The following HNF4A variants were observed in gnomAD, a reference collection of about 807,000 sequenced individuals.
HNF4A encodes the protein hepatocyte nuclear factor 4 alpha, also known as hepatocyte nuclear factor 4-alpha.
A neutral mutation model predicts 52.4 loss-of-function variants in HNF4A; 15 were observed. The observed-to-expected ratio is 0.29, with a 90% confidence interval of 0.19 to 0.44. HNF4A has a LOEUF of 0.44. Ranked by LOEUF, HNF4A falls within the 20% of genes least tolerant of loss-of-function variation. The probability of loss-of-function intolerance (pLI) is 1.00; values close to 1 mark genes in which losing one functional copy is unlikely to be tolerated. For missense variants in HNF4A, 479 were observed against 647.2 expected (o/e 0.74, Z 2.82); for synonymous variants, 280 against 264.4 (o/e 1.06, Z -0.57).
upstream of HNF4A, among the ~76,000 whole-genome samples, chr20:44,399,164 G>C (rs1279936617): frequency 7.2e-5 from 11 of 152,216 alleles, no homozygotes; most frequent in Non-Finnish European, 1.6e-4. Context: ...GTAGGCATGG[G>C]AGGAACCCGC....
chr20:44,389,446 A>T (rs987664316), intron 1 of HNF4A, among the ~76,000 whole-genome samples: 11 of 152,216 alleles, frequency 7.2e-5, no homozygotes, highest in Non-Finnish European at 1.6e-4. Flanking sequence ...ACACGCTCAT[A>T]CTAACGAAGT....
chr20:44,368,614 AT>A, intron 1 of HNF4A, among the ~76,000 whole-genome samples: 1 of 152,206 alleles, frequency 6.6e-6, no homozygotes, highest in East Asian at 1.9e-4. Context: ...GCTCAAGGGG[AT>A]AGAGGCAAGA....
At chr20:44,375,126 TG>T (rs2063071184) in intron 1 of HNF4A, among the ~76,000 whole-genome samples, 1 of 152,226 alleles carries the variant, frequency 6.6e-6, no homozygotes, top group African/African-American at 2.4e-5. Context: ...TGCATTTCTC[TG>T]ATGATTAGTG....
intron 1 of HNF4A, among the ~76,000 whole-genome samples, chr20:44,367,978 C>T (rs949129381): frequency 1.8e-4 from 27 of 149,696 alleles, no homozygotes; most frequent in East Asian, 9.8e-4. Context: ...ACCCAAAACA[C>T]GAGAGGAGAG....
At chr20:44,365,733 G>A (rs111717426) in intron 1 of HNF4A, among the ~76,000 whole-genome samples, 1,581 of 152,178 alleles carry the variant, frequency 0.01, 26 homozygotes, top group African/African-American at 0.036. Context: ...TTGGCCGGAC[G>A]CCGTGGCTCA....
chr20:44,382,177 C>G (rs112016782), intron 1 of HNF4A, among the ~76,000 whole-genome samples: 2,219 of 152,260 alleles, frequency 0.015, 54 homozygotes, highest in African/African-American at 0.049. Flanking sequence ...TCTCCAATAC[C>G]CAGCCCAAAA....
chr20:44,401,206 C>G (rs2063402911), upstream of HNF4A: 1 of 1,499,512 alleles, frequency 6.7e-7, no homozygotes, highest in Admixed American at 2.0e-5. Flanking sequence ...AGAGCCTCCA[C>G]CCCTTCACAG....
chr20:44,397,522 G>C (rs1156811273), upstream of HNF4A, among the ~76,000 whole-genome samples: 1 of 152,120 alleles, frequency 6.6e-6, no homozygotes, highest in African/African-American at 2.4e-5. Flanking sequence ...GTAAATGATT[G>C]TTAACTATAA....
chr20:44,386,835 G>A (rs2063230500), intron 1 of HNF4A, among the ~76,000 whole-genome samples: 1 of 152,138 alleles, frequency 6.6e-6, no homozygotes, highest in Admixed American at 6.5e-5. Flanking sequence ...GAGCACATAC[G>A]ATTTTTAAAT....
chr20:44,416,459 G>A (rs756480408), intron 5 of HNF4A, among the ~76,000 whole-genome samples: 10 of 152,258 alleles, frequency 6.6e-5, no homozygotes, highest in Admixed American at 1.3e-4. Context: ...CTTCCGCTTC[G>A]CGATGTGAAG....
chr20:44,379,436 G>A lies in HNF4A; in HGVS notation c.49+23583G>A, dbSNP rs939358473. ...CCAGCAGTGATAGGAACGTAAAAGG[G>A]TTACAATTTCTCCACATCTTCACCA... On this transcript the variant is annotated intron_variant, in intron 1 of 9. Transcript: ENST00000316673. 7.9e-5 allele frequency among the ~76,000 whole-genome samples: 12 copies of A among 152,222 alleles called. No individual in the cohort carries two copies. In the South Asian group the frequency reaches 1.7e-3, roughly 21 times the overall value.
intron 5 of HNF4A, among the ~76,000 whole-genome samples, chr20:44,416,153 A>G (rs572312793): frequency 2.9e-3 from 439 of 152,270 alleles, no homozygotes; most frequent in African/African-American, 0.01. Context: ...CCCCCAGAAC[A>G]GCTGCCATAT....
At chr20:44,368,701 C>T (rs2062999133) in intron 1 of HNF4A, among the ~76,000 whole-genome samples, 1 of 152,194 alleles carries the variant, frequency 6.6e-6, no homozygotes, top group Non-Finnish European at 1.5e-5. Flanking sequence ...ACCAAAGCTA[C>T]ATTACCATGT....
At chr20:44,368,792 A>G (rs956701554) in intron 1 of HNF4A, among the ~76,000 whole-genome samples, 1 of 152,230 alleles carries the variant, frequency 6.6e-6, no homozygotes, top group Non-Finnish European at 1.5e-5. Context: ...TAATAGCCAT[A>G]ATAGTAATGT....
intron 1 of HNF4A, chr20:44,390,480 G>A (rs999663376): frequency 4.0e-5 from 24 of 602,860 alleles, no homozygotes; most frequent in African/African-American, 1.3e-4. Context: ...CATGGAGACC[G>A]CCTCCCACCA....
At chr20:44,424,463 G>T in intron 8 of HNF4A, 1 of 1,005,010 alleles carries the variant, frequency 1.0e-6, no homozygotes, top group Non-Finnish European at 1.5e-6. Flanking sequence ...CCTAGCACGT[G>T]CCAGTCACTG....
At chr20:44,428,886 C>T (rs898176488) in intron 9 of HNF4A, among the ~76,000 whole-genome samples, 5 of 152,188 alleles carry the variant, frequency 3.3e-5, no homozygotes, top group Admixed American at 1.3e-4. Context: ...CTAGACCATC[C>T]TCTGAAACCT....
At position 44,388,059 on chromosome 20, in the gene HNF4A, A is replaced by C. The variant is rs147897572; in HGVS notation, c.50-17999A>C. ...CAGGTGTGTCTAACCCAAAGGTTAT[A>C]ATTTTTCCACACTCCTATATCCACA... On this transcript the variant is annotated intron_variant, in intron 1 of 9. Coordinates refer to the HNF4A transcript ENST00000316673. Among the ~76,000 whole-genome samples, 69 of 151,718 alleles carry C rather than the reference A, an allele frequency of 4.5e-4. 1 individual carries two copies. The South Asian group carries it at 0.013, about 29-fold the overall frequency.
intron 1 of HNF4A, among the ~76,000 whole-genome samples, chr20:44,388,048 C>G (rs183098230): frequency 6.6e-6 from 1 of 151,926 alleles, no homozygotes; most frequent in East Asian, 1.9e-4. Context: ...TGTGTCTAAC[C>G]CAAAGGTTAT....
Sources: allele counts gnomAD v4.1 joint callset (sites outside exome capture counted in the v4.1 genomes callset), GRCh38; gene constraint gnomAD v4.1.1; transcripts MANE v1.5; gene names NCBI Gene and HGNC (gene_info 2026-07-23, HGNC 2026-07-21).